The following SLC23A2 variants were observed in gnomAD, a reference collection of about 807,000 sequenced individuals.
SLC23A2 encodes solute carrier family 23 member 2, also known as Na(+)/L-ascorbic acid transporter 2.
Under a neutral mutation model 73.3 loss-of-function variants are expected in SLC23A2, and 36 were observed. The observed-to-expected ratio is 0.49, with a 90% CI of 0.38 to 0.65. SLC23A2 has a LOEUF of 0.65. Ranked by LOEUF, SLC23A2 falls within the 30% of genes least tolerant of loss-of-function variation. The pLI is 0.00. For missense variants in SLC23A2, 507 were observed against 841.6 expected (o/e 0.60, Z 4.92); for synonymous variants, 343 against 327.3 (o/e 1.05, Z -0.52).
chr20:4,982,366 C>A (rs1226899813), intron 1 of SLC23A2, among the ~76,000 whole-genome samples: 2 of 152,188 alleles, frequency 1.3e-5, no homozygotes, highest in Non-Finnish European at 2.9e-5. Flanking sequence ...TCATAATGTA[C>A]TGCTCCTTAT....
chr20:4,861,302 T>C (rs1929956991), intron 15 of SLC23A2, among the ~76,000 whole-genome samples: 1 of 152,184 alleles, frequency 6.6e-6, no homozygotes, highest in African/African-American at 2.4e-5. Flanking sequence ...ACAGAGGTGA[T>C]GGCTGCACAA....
At chr20:4,986,007 TCCCG>T (rs2087819872) in intron 1 of SLC23A2, among the ~76,000 whole-genome samples, 1 of 152,160 alleles carries the variant, frequency 6.6e-6, no homozygotes, top group Non-Finnish European at 1.5e-5. Flanking sequence ...GGAATCCCTC[TCCCG>T]CCATGCCCAC....
chr20:4,953,961 T>G (rs1168312937), intron 2 of SLC23A2, among the ~76,000 whole-genome samples: 1 of 151,840 alleles, frequency 6.6e-6, no homozygotes, highest in Non-Finnish European at 1.5e-5. Flanking sequence ...GTAACACTAA[T>G]GCTGCCTTAT....
chr20:4,905,559 C>CA (rs550582709), intron 4 of SLC23A2, among the ~76,000 whole-genome samples: 6 of 152,260 alleles, frequency 3.9e-5, no homozygotes, highest in Admixed American at 1.3e-4. Context: ...ATCTAAAGAA[C>CA]AAAAAAACTG....
At chr20:4,994,423 C>CCAAA (rs2087982533) in intron 1 of SLC23A2, among the ~76,000 whole-genome samples, 1 of 152,090 alleles carries the variant, frequency 6.6e-6, no homozygotes, top group Non-Finnish European at 1.5e-5. Context: ...TTTTAGCCAG[C>CCAAA]CCTGGAGAGG....
intron 3 of SLC23A2, among the ~76,000 whole-genome samples, chr20:4,926,381 A>T (rs1330248474): frequency 6.6e-6 from 1 of 152,166 alleles, no homozygotes; most frequent in African/African-American, 2.4e-5. Flanking sequence ...TGGGCTGTTA[A>T]CTGGGCTTCC....
chr20:4,954,065 CAAG>C (rs1423689203), intron 2 of SLC23A2, among the ~76,000 whole-genome samples: 1 of 152,028 alleles, frequency 6.6e-6, no homozygotes, highest in Non-Finnish European at 1.5e-5. Context: ...ATAAAATTCA[CAAG>C]AAGAATATGA....
intron 11 of SLC23A2, among the ~76,000 whole-genome samples, chr20:4,870,814 A>G (rs1930419711): frequency 6.6e-6 from 1 of 152,216 alleles, no homozygotes; most frequent in Admixed American, 6.5e-5. Context: ...ATCACCAGCT[A>G]AACTTAAATC....
intron 6 of SLC23A2, among the ~76,000 whole-genome samples, chr20:4,890,311 G>A (rs1931281999): frequency 1.3e-5 from 2 of 152,116 alleles, no homozygotes; most frequent in Admixed American, 1.3e-4. Flanking sequence ...AGGAGCCATA[G>A]GTTCTTTATT....
At chr20:4,886,682 G>A (rs1931111311) in intron 6 of SLC23A2, among the ~76,000 whole-genome samples, 1 of 152,168 alleles carries the variant, frequency 6.6e-6, no homozygotes, top group South Asian at 2.1e-4. Context: ...GAAATGTACA[G>A]CATTTCAGCT....
intron 1 of SLC23A2, among the ~76,000 whole-genome samples, chr20:4,983,570 C>T (rs868358994): frequency 7.9e-5 from 12 of 151,100 alleles, no homozygotes; most frequent in South Asian, 2.1e-4. Flanking sequence ...GGTGTGAACC[C>T]GGGCAGCGGA....
chr20:4,959,990 C>T (rs575875765), intron 2 of SLC23A2, among the ~76,000 whole-genome samples: 14 of 151,936 alleles, frequency 9.2e-5, no homozygotes, highest in Admixed American at 2.0e-4. Flanking sequence ...GATGAGGTCT[C>T]GCTATGTTGC....
At chr20:5,007,261 T>A (rs1364277007) in intron 1 of SLC23A2, among the ~76,000 whole-genome samples, 1 of 152,126 alleles carries the variant, frequency 6.6e-6, no homozygotes, top group Non-Finnish European at 1.5e-5. Flanking sequence ...CCATGCCTGG[T>A]GGCTCACACC....
chr20:4,859,148 A>G (rs1929855474), intron 16 of SLC23A2, 141 bp downstream of exon 16: 1 of 625,462 alleles, frequency 1.6e-6, no homozygotes, highest in Non-Finnish European at 2.9e-6. Flanking sequence ...TGCCATCACA[A>G]CTGTTTTAGA....
chr20:4,922,664 C>A (rs1932534592), intron 3 of SLC23A2, among the ~76,000 whole-genome samples: 1 of 151,848 alleles, frequency 6.6e-6, no homozygotes, highest in South Asian at 2.1e-4. Flanking sequence ...CAGTCTCTAC[C>A]AAAAAATACG....
intron 1 of SLC23A2, among the ~76,000 whole-genome samples, chr20:4,996,205 G>C (rs1318408577): frequency 6.6e-6 from 1 of 152,102 alleles, no homozygotes; most frequent in Non-Finnish European, 1.5e-5. Context: ...CTATTGCTTG[G>C]AGAGGGTCCA....
chr20:4,943,531 C>T (rs1484506043), intron 2 of SLC23A2, among the ~76,000 whole-genome samples: 1 of 151,544 alleles, frequency 6.6e-6, no homozygotes, highest in East Asian at 1.9e-4. Flanking sequence ...AAAAATTAGC[C>T]AGGCATGGTG....
At chr20:4,926,197 C>A (rs939259) in intron 3 of SLC23A2, among the ~76,000 whole-genome samples, 11,999 of 152,268 alleles carry the variant, frequency 0.079, 533 homozygotes, top group Middle Eastern at 0.13. Context: ...TCGGTCCATG[C>A]CGCTAATATC....
intron 6 of SLC23A2, among the ~76,000 whole-genome samples, chr20:4,890,933 T>A (rs1289565059): frequency 6.6e-6 from 1 of 152,132 alleles, no homozygotes; most frequent in Non-Finnish European, 1.5e-5. Flanking sequence ...CTAACAAGTG[T>A]TTTCAGGGAG....
Sources: allele counts gnomAD v4.1 joint callset (sites outside exome capture counted in the v4.1 genomes callset), GRCh38; gene constraint gnomAD v4.1.1; transcripts MANE v1.5; gene names NCBI Gene and HGNC (gene_info 2026-07-23, HGNC 2026-07-21).